ARHGAP15: variants seen among roughly 807,000 people sequenced by gnomAD.
ARHGAP15 encodes the protein Rho GTPase activating protein 15.
A neutral mutation model predicts 63.7 loss-of-function variants in ARHGAP15; 51 were observed. The ratio of observed to expected loss-of-function variants is 0.80; its 90% confidence interval spans 0.64 to 1.01. The LOEUF is 1.01. Among genes scored for constraint, ARHGAP15 ranks in the 50% least tolerant of loss-of-function variants. ARHGAP15 has a pLI of 0.00. For synonymous variants in ARHGAP15, 191 were observed against 193.8 expected, an observed-to-expected ratio of 0.99 and a Z score of 0.12; for missense variants, 560 against 564.6, an observed-to-expected ratio of 0.99 and a Z score of 0.08.
intron 12 of ARHGAP15, among the ~76,000 whole-genome samples, chr2:143,673,758 G>GTGTGTGTATATATATATATATATATATA (rs1553520615): frequency 9.0e-5 from 2 of 22,124 alleles, no homozygotes; most frequent in Non-Finnish European, 2.8e-4. Context: ...GTGTGTGTGT[G>GTGTGTGTATATATATATATATATATATA]TATATATATA....
intron 2 of ARHGAP15, among the ~76,000 whole-genome samples, chr2:143,193,893 A>G (rs897083046): frequency 1.3e-5 from 2 of 152,248 alleles, no homozygotes; most frequent in African/African-American, 4.8e-5. Flanking sequence ...TTTCTTCTTC[A>G]GTGATGGAAC....
intron 6 of ARHGAP15, among the ~76,000 whole-genome samples, chr2:143,258,023 C>T (rs1680513023): frequency 6.6e-6 from 1 of 151,934 alleles, no homozygotes; most frequent in Non-Finnish European, 1.5e-5. Context: ...TAATAGCAAA[C>T]AGACCTATTC....
chr2:143,619,092 C>G (rs370446328), intron 11 of ARHGAP15, among the ~76,000 whole-genome samples: 2 of 152,006 alleles, frequency 1.3e-5, no homozygotes, highest in African/African-American at 2.4e-5. Context: ...GTATTACAGG[C>G]ATGAGTCACT....
chr2:143,464,210 A>G (rs1165898112), intron 8 of ARHGAP15, among the ~76,000 whole-genome samples: 4 of 152,186 alleles, frequency 2.6e-5, no homozygotes, highest in Admixed American at 2.6e-4. Flanking sequence ...AGAGTCTCGG[A>G]AAAAATAGGC....
chr2:143,641,968 A>G (rs1450940230), intron 12 of ARHGAP15, among the ~76,000 whole-genome samples: 1 of 152,072 alleles, frequency 6.6e-6, no homozygotes, highest in Non-Finnish European at 1.5e-5. Context: ...AACTTAAGGA[A>G]GGTTAGATAA....
intron 6 of ARHGAP15, among the ~76,000 whole-genome samples, chr2:143,300,374 C>T (rs1482351358): frequency 6.6e-6 from 1 of 151,936 alleles, no homozygotes; most frequent in Non-Finnish European, 1.5e-5. Flanking sequence ...ACTTAGTAAA[C>T]TGTATATACT....
At chr2:143,646,090 G>A (rs892062056) in intron 12 of ARHGAP15, among the ~76,000 whole-genome samples, 1 of 152,048 alleles carries the variant, frequency 6.6e-6, no homozygotes, top group African/African-American at 2.4e-5. Context: ...GCAGGGCATG[G>A]TGTTGCACTC....
At chr2:143,455,876 A>G (rs1046951449) in intron 8 of ARHGAP15, among the ~76,000 whole-genome samples, 1 of 152,010 alleles carries the variant, frequency 6.6e-6, no homozygotes, top group African/African-American at 2.4e-5. Flanking sequence ...TCTTTTTTTA[A>G]AATCCCAAAT....
intron 11 of ARHGAP15, among the ~76,000 whole-genome samples, chr2:143,610,688 G>A (rs6716352): frequency 0.29 from 43,352 of 151,942 alleles, 6,258 homozygotes; most frequent in East Asian, 0.43. Context: ...GGGCCATGAT[G>A]GCCTGAATCA....
At chr2:143,227,492 A>G (rs1301682611) in intron 4 of ARHGAP15, among the ~76,000 whole-genome samples, 1 of 152,138 alleles carries the variant, frequency 6.6e-6, no homozygotes, top group African/African-American at 2.4e-5. Context: ...ATATTTTTAA[A>G]TTTATCATAA....
At chr2:143,753,464 G>T (rs1349603394) in intron 13 of ARHGAP15, among the ~76,000 whole-genome samples, 1 of 152,158 alleles carries the variant, frequency 6.6e-6, no homozygotes, top group Non-Finnish European at 1.5e-5. Context: ...CTTAGAACAG[G>T]TGATCACAGT....
chr2:143,209,085 A>G (rs970222512), intron 3 of ARHGAP15, among the ~76,000 whole-genome samples: 1 of 152,156 alleles, frequency 6.6e-6, no homozygotes, highest in African/African-American at 2.4e-5. Flanking sequence ...CATGAAAGAC[A>G]TTGTGAGAAT....
At chr2:143,555,148 T>TA (rs1459925530) in intron 10 of ARHGAP15, among the ~76,000 whole-genome samples, 1 of 152,182 alleles carries the variant, frequency 6.6e-6, no homozygotes, top group Non-Finnish European at 1.5e-5. Context: ...TTACCAATGT[T>TA]ATAAGTGATG....
At position 143,726,380 on chromosome 2, in the gene ARHGAP15, T is replaced by A. The variant is rs947325886; in HGVS notation, c.1244+22856T>A. 4.0e-5 allele frequency among the ~76,000 whole-genome samples: 6 copies of A among 150,988 alleles called. No individual in the cohort carries two copies. The East Asian group carries it at 9.7e-4, about 24-fold the overall frequency. On this transcript the variant is annotated intron_variant, in intron 13 of 13. Transcript: ENST00000295095. ...GCTCTTCTAAAGTAGCGTCTTTCTGTCTATGCCATCTGCAGATTTATTACT... is the reference window on the plus strand; with the variant it reads ...GCTCTTCTAAAGTAGCGTCTTTCTGACTATGCCATCTGCAGATTTATTACT...
At chr2:143,382,846 G>T (rs1687119302) in intron 6 of ARHGAP15, among the ~76,000 whole-genome samples, 2 of 152,174 alleles carry the variant, frequency 1.3e-5, no homozygotes, top group African/African-American at 2.4e-5. Flanking sequence ...AAAAGGCAGA[G>T]TCAGACACAA....
At chr2:143,753,322 A>T (rs557920432) in intron 13 of ARHGAP15, among the ~76,000 whole-genome samples, 1 of 152,262 alleles carries the variant, frequency 6.6e-6, no homozygotes, top group East Asian at 1.9e-4. Flanking sequence ...TCTGCAAGCA[A>T]AGCAGCCACC....
intron 3 of ARHGAP15, among the ~76,000 whole-genome samples, chr2:143,211,846 T>G (rs1023619860): frequency 2.6e-5 from 4 of 152,090 alleles, no homozygotes; most frequent in African/African-American, 9.7e-5. Flanking sequence ...TCAAAGAACC[T>G]AGGAAGCTGA....
chr2:143,213,890 A>G (rs550177562), intron 3 of ARHGAP15, among the ~76,000 whole-genome samples: 5 of 152,352 alleles, frequency 3.3e-5, no homozygotes, highest in African/African-American at 1.2e-4. Flanking sequence ...TTGAGTCTTA[A>G]CTTGAGAAAT....
At chr2:143,165,077 T>C (rs76942456) in intron 2 of ARHGAP15, among the ~76,000 whole-genome samples, 3,016 of 152,186 alleles carry the variant, frequency 0.02, 84 homozygotes, top group African/African-American at 0.067. Context: ...TTCTTTTTTA[T>C]GTATCCCTTA....
Sources: gnomAD v4.1 joint callset for allele counts (sites outside exome capture counted in the v4.1 genomes callset) on GRCh38, gnomAD v4.1.1 for gene constraint, MANE v1.5 for transcripts, NCBI Gene and HGNC (gene_info 2026-07-23, HGNC 2026-07-21) for gene names.